ABLIM2: variants seen among roughly 807,000 people sequenced by gnomAD.
ABLIM2 encodes the protein actin binding LIM protein family member 2.
Under a neutral mutation model 97.7 loss-of-function variants are expected in ABLIM2, and 53 were observed. The ratio of observed to expected loss-of-function variants is 0.54; its 90% CI spans 0.44 to 0.68. The LOEUF (loss-of-function observed/expected upper bound fraction) is 0.68. Among genes scored for constraint, ABLIM2 ranks in the 30% least tolerant of loss-of-function variants. ABLIM2 has a pLI of 0.00. For missense variants in ABLIM2, 835 were observed against 867.2 expected (o/e 0.96, Z 0.47); for synonymous variants, 361 against 345.8 (o/e 1.04, Z -0.49).
intron 15 of ABLIM2, among the ~76,000 whole-genome samples, chr4:8,008,650 G>T (rs746063100): frequency 1.3e-5 from 2 of 152,194 alleles, no homozygotes; most frequent in Non-Finnish European, 2.9e-5. Context: ...CTCCGGCTGC[G>T]TTCACAGAGT....
chr4:8,121,785 A>G (rs1356043927), intron 1 of ABLIM2, among the ~76,000 whole-genome samples: 2 of 152,228 alleles, frequency 1.3e-5, no homozygotes, highest in Non-Finnish European at 2.9e-5. Context: ...ACTGCAGGGC[A>G]CTGTCCAGTG....
chr4:8,102,461 C>T (rs1835147779), intron 2 of ABLIM2, among the ~76,000 whole-genome samples: 1 of 152,208 alleles, frequency 6.6e-6, no homozygotes, highest in Non-Finnish European at 1.5e-5. Context: ...TCCCCATCCC[C>T]ATAACGGGAT....
rs1346380118 is a variant in ABLIM2 at position 8,132,139 on chromosome 4, C to T, written c.11-25502G>A. 6.6e-6 allele frequency among the ~76,000 whole-genome samples: 1 copy of T among 152,034 alleles called. No homozygotes were observed. Among genetic ancestry groups the T allele is most frequent in the African/African-American group, 2.4e-5 (1 of 41,388 alleles). ...ATGGCTCAAGTGGCACAGGAACGAC[C>T]TGGTTGGAAAGGAAACAGCGTACAT... On this transcript the variant is annotated intron_variant, in intron 1 of 20. Coordinates refer to ENST00000447017, the MANE Select transcript of ABLIM2 (RefSeq NM_001130083.2). The surrounding 1 kb of genome is among the most constrained non-coding windows in gnomAD (Gnocchi z 8.0).
At position 7,998,875 on chromosome 4, in the gene ABLIM2, G is replaced by A. The variant is rs904537611; in HGVS notation, c.1619-5948C>T. On this transcript the variant is annotated intron_variant, in intron 16 of 20. Transcript: ENST00000447017. The surrounding 1 kb of genome is among the most constrained non-coding windows in gnomAD (Gnocchi z 6.4). ...AGAGTTGTCCTGTGACCAACCGTCT[G>A]CCGTATCATTTGCAGGTCCGTTTAG... Among the ~76,000 whole-genome samples the A allele has an allele frequency of 2.0e-5, 3 of 152,184 alleles. No homozygotes were observed. The highest frequency in any genetic ancestry group is 2.9e-5 in the Non-Finnish European group (2 of 68,038).
intron 8 of ABLIM2, among the ~76,000 whole-genome samples, chr4:8,051,575 A>AG (rs1002869462): frequency 5.3e-5 from 8 of 151,570 alleles, no homozygotes; most frequent in Admixed American, 1.3e-4. Flanking sequence ...AAAAAAAAAA[A>AG]AAAAGAAAAG....
intron 4 of ABLIM2, among the ~76,000 whole-genome samples, chr4:8,084,675 A>G (rs1577405852): frequency 6.6e-6 from 1 of 152,212 alleles, no homozygotes; most frequent in Non-Finnish European, 1.5e-5. Context: ...AGGGGCGGCC[A>G]GGCCCAAGAA....
In ABLIM2 at chr4:7,983,896, G is replaced by A. The variant is rs1156639406; in HGVS notation, c.1736-342C>T. Among the ~76,000 whole-genome samples the A allele has an allele frequency of 2.0e-5, 3 of 152,268 alleles. No individual in the cohort carries two copies. In the East Asian group the frequency reaches 5.8e-4, roughly 29 times the overall value. On this transcript the variant is annotated intron_variant, in intron 18 of 20. Transcript: ENST00000447017. ...CAGCCTCAGTTTACCTGCCTGTACA[G>A]CGGGCATTTCAGGGGAAACTTTTAG...
intron 2 of ABLIM2, among the ~76,000 whole-genome samples, chr4:8,098,945 T>C (rs1411353820): frequency 6.6e-6 from 1 of 152,234 alleles, no homozygotes; most frequent in African/African-American, 2.4e-5. Context: ...AAATCCCATC[T>C]AGATGGTCTG....
In ABLIM2 at chr4:8,001,080, A is replaced by G. The variant is rs1274855689; in HGVS notation, c.1618+6979T>C. On this transcript the variant is annotated intron_variant, in intron 16 of 20. Coordinates refer to ENST00000447017, the MANE Select transcript of ABLIM2 (RefSeq NM_001130083.2). This position sits in a 1 kb window ranked among gnomAD's most constrained non-coding sequence, Gnocchi z 4.2. ...AGGTTTGGAGGCTGTGGCACTGCAC[A>G]GGTTCGGGTCCCCTCTCTGAGCCTT... is the stretch of plus-strand genomic sequence containing the variant. Among the ~76,000 whole-genome samples the G allele has an allele frequency of 2.0e-5, 3 of 152,162 alleles. No homozygotes were observed. The highest frequency in any genetic ancestry group is 4.4e-5 in the Non-Finnish European group (3 of 68,020).
rs1160133101 is a variant in ABLIM2 at position 8,037,435 on chromosome 4, A to T, written c.901-1140T>A. ...CCTGTCTGAGACTGTGGAGGTATAG[A>T]CCCCCCTCACATCCTGGCCCACTCC... On this transcript the variant is annotated intron_variant, in intron 9 of 20. Coordinates refer to ENST00000447017, the MANE Select transcript of ABLIM2 (RefSeq NM_001130083.2). Among the ~76,000 whole-genome samples, 3 of 151,792 alleles carry T rather than the reference A, an allele frequency of 2.0e-5. No homozygotes were observed. The East Asian group carries it at 5.8e-4, about 29-fold the overall frequency.
intron 6 of ABLIM2, among the ~76,000 whole-genome samples, chr4:8,065,061 G>C (rs1042375171): frequency 6.6e-6 from 1 of 152,142 alleles, no homozygotes; most frequent in African/African-American, 2.4e-5. Flanking sequence ...ACCAGCCTGG[G>C]CAACATAGTG....
At chr4:8,081,319 C>T (rs990382435) in intron 4 of ABLIM2, among the ~76,000 whole-genome samples, 6 of 152,234 alleles carry the variant, frequency 3.9e-5, no homozygotes, top group African/African-American at 1.2e-4. Flanking sequence ...CCACCAGCCT[C>T]GTGGGACCCT....
rs1841297006 is a variant in ABLIM2 at position 8,113,396 on chromosome 4, G to T, written c.11-6759C>A. On this transcript the variant is annotated intron_variant, in intron 1 of 20. Transcript: ENST00000447017. This position sits in a 1 kb window ranked among gnomAD's most constrained non-coding sequence, Gnocchi z 4.5. ...AGGCATGAGCCACCGTGCCTGGCTGGGGATTTGCTTGACTGTTTATTTCCG... is the reference window on the plus strand; with the variant it reads ...AGGCATGAGCCACCGTGCCTGGCTGTGGATTTGCTTGACTGTTTATTTCCG... 6.6e-6 allele frequency among the ~76,000 whole-genome samples: 1 copy of T among 152,148 alleles called. No homozygotes were observed. The highest frequency in any genetic ancestry group is 1.5e-5 in the Non-Finnish European group (1 of 68,030).
At chr4:8,031,278 G>C (rs987062180) in intron 10 of ABLIM2, among the ~76,000 whole-genome samples, 1 of 152,232 alleles carries the variant, frequency 6.6e-6, no homozygotes, top group African/African-American at 2.4e-5. Flanking sequence ...TACAGCCTGA[G>C]ACAGGGGCCT....
In ABLIM2 at chr4:8,061,451, T is replaced by C. The variant is rs185985860; in HGVS notation, c.676-397A>G. The stretch of plus-strand genomic sequence containing the variant: ...AGAGGGAGGGGAGGGAAAGATAATA[T>C]GATTTCCCTAGGTGCAAGAATTAGG... On this transcript the variant is annotated intron_variant, in intron 6 of 20. Coordinates refer to ENST00000447017, the MANE Select transcript of ABLIM2 (RefSeq NM_001130083.2). The surrounding 1 kb of genome is among the most constrained non-coding windows in gnomAD (Gnocchi z 4.5). Among the ~76,000 whole-genome samples the C allele has an allele frequency of 2.0e-5, 3 of 151,926 alleles. No homozygotes were observed. Among genetic ancestry groups the C allele is most frequent in the Non-Finnish European group, 4.4e-5 (3 of 67,956 alleles).
At chr4:8,097,780 C>A (rs964848217) in intron 2 of ABLIM2, among the ~76,000 whole-genome samples, 1 of 152,166 alleles carries the variant, frequency 6.6e-6, no homozygotes, top group Admixed American at 6.5e-5. Context: ...TCCAGCCCAC[C>A]TCTAGGCTTC....
Position 7,992,118 on chromosome 4 carries a change from C to A in ABLIM2, c.1680+748G>T, listed in dbSNP as rs1749311634. Among the ~76,000 whole-genome samples, 1 of 152,090 alleles carries A rather than the reference C, an allele frequency of 6.6e-6. No individual in the cohort carries two copies. Among genetic ancestry groups the A allele is most frequent in the South Asian group, 2.1e-4 (1 of 4,824 alleles). The stretch of plus-strand genomic sequence containing the variant: ...GTTGGGGGGTCTGGGACCAGCAAGC[C>A]TGCCCCACCCTAAGGATCCTCACTG... On this transcript the variant is annotated intron_variant, in intron 17 of 20. Coordinates refer to ENST00000447017, the MANE Select transcript of ABLIM2 (RefSeq NM_001130083.2). The surrounding 1 kb of genome is among the most constrained non-coding windows in gnomAD (Gnocchi z 5.7).
rs1204701066 is a variant in ABLIM2, at chr4:8,036,236, C to T, written c.960G>A (p.Lys320=). The T allele has an allele frequency of 4.3e-6, 7 of 1,613,880 alleles. No homozygotes were observed. The highest frequency in any genetic ancestry group is 5.1e-6 in the Non-Finnish European group (6 of 1,179,798). Residue 320 remains lysine, a synonymous_variant, in exon 10 of 21, where the codon AAG becomes AAA. Coordinates refer to ENST00000447017, the MANE Select transcript of ABLIM2 (RefSeq NM_001130083.2). ...YRDLAALPKS[K]AIYDIDRPDM... ...CGGGGCGGTCGATGTCATAGATGGC[C>T]TTACTTTTAGGAAGGGCTGCCAAGT... is the stretch of plus-strand genomic sequence containing the variant.
At chr4:8,088,995 T>C (rs940743937) in intron 3 of ABLIM2, among the ~76,000 whole-genome samples, 2 of 152,214 alleles carry the variant, frequency 1.3e-5, no homozygotes, top group African/African-American at 4.8e-5. Context: ...GACAATCGGA[T>C]CCTGTCTTTA....
Sources: allele counts gnomAD v4.1 joint callset (sites outside exome capture counted in the v4.1 genomes callset), GRCh38; gene constraint gnomAD v4.1.1; non-coding constraint Gnocchi (gnomAD v3.1); transcripts MANE v1.5; gene names NCBI Gene and HGNC (gene_info 2026-07-23, HGNC 2026-07-21).